SYNPO2: variants seen among roughly 807,000 people sequenced by gnomAD.
SYNPO2 encodes synaptopodin-2.
SYNPO2 carries 56 observed loss-of-function variants against 85.0 expected under a neutral mutation model. The ratio of observed to expected loss-of-function variants is 0.66; its 90% CI spans 0.53 to 0.82. The LOEUF (loss-of-function observed/expected upper bound fraction) is 0.82. SYNPO2 is among the 40% of genes least tolerant of loss of function. The pLI is 0.00. For synonymous variants in SYNPO2, 602 were observed against 591.1 expected (o/e 1.02, Z -0.27); for missense variants, 1,575 against 1,534.2 (o/e 1.03, Z -0.44).
At chr4:119,028,577 A>G (rs1046283635) in intron 3 of SYNPO2, among the ~76,000 whole-genome samples, 1 of 152,208 alleles carries the variant, frequency 6.6e-6, no homozygotes, top group Non-Finnish European at 1.5e-5. Flanking sequence ...AATAAGTTGT[A>G]TAACACTAGT....
intron 1 of SYNPO2, among the ~76,000 whole-genome samples, chr4:119,007,228 A>G (rs1178663577): frequency 1.2e-3 from 59 of 48,980 alleles, no homozygotes; most frequent in African/African-American, 5.5e-3. Flanking sequence ...ATATATATAT[A>G]TATATATATA....
chr4:118,961,857 TTTG>T (rs1735110089), intron 1 of SYNPO2, among the ~76,000 whole-genome samples: 1 of 152,208 alleles, frequency 6.6e-6, no homozygotes, highest in African/African-American at 2.4e-5. Flanking sequence ...AGGCAGGTTT[TTTG>T]TTTTTTATTT....
At chr4:118,900,685 CTCTCTCTCTCTCTCTCTCTATATA>C (rs1394640051) in intron 1 of SYNPO2, among the ~76,000 whole-genome samples, 14 of 43,764 alleles carry the variant, frequency 3.2e-4, no homozygotes, top group African/African-American at 6.5e-4. Context: ...CTCTCTCTCT[CTCTCTCTCTCTCTCTCTCTATATA>C]TATATATATA....
chr4:119,056,358 C>T (rs948556415), intron 4 of SYNPO2, among the ~76,000 whole-genome samples: 1 of 152,110 alleles, frequency 6.6e-6, no homozygotes, highest in Non-Finnish European at 1.5e-5. Flanking sequence ...TCTAATACCA[C>T]CAGCCTGGGC....
At chr4:118,879,038 T>A (rs1309386640) in intron 1 of SYNPO2, among the ~76,000 whole-genome samples, 1 of 152,118 alleles carries the variant, frequency 6.6e-6, no homozygotes, top group African/African-American at 2.4e-5. Context: ...AATGAACAAC[T>A]CCGGAGGCAC....
At chr4:118,994,058 G>A (rs191743412) in intron 1 of SYNPO2, among the ~76,000 whole-genome samples, 2 of 152,294 alleles carry the variant, frequency 1.3e-5, no homozygotes, top group Admixed American at 6.5e-5. Context: ...GGGCCTCTGG[G>A]TCAGTCACTA....
chr4:118,887,688 G>C (rs1732230399), upstream of SYNPO2, among the ~76,000 whole-genome samples: 1 of 152,196 alleles, frequency 6.6e-6, no homozygotes, highest in South Asian at 2.1e-4. Flanking sequence ...TTTGTGACCA[G>C]AAATAGACTG....
chr4:118,986,592 A>G (rs1388184777), intron 1 of SYNPO2, among the ~76,000 whole-genome samples: 1 of 152,204 alleles, frequency 6.6e-6, no homozygotes, highest in East Asian at 1.9e-4. Flanking sequence ...AGAGATGATA[A>G]TAGGCACATG....
chr4:118,966,675 G>C (rs1242198622), intron 1 of SYNPO2, among the ~76,000 whole-genome samples: 1 of 151,958 alleles, frequency 6.6e-6, no homozygotes, highest in Non-Finnish European at 1.5e-5. Flanking sequence ...CATACTTCTG[G>C]GATGATATAA....
At chr4:118,852,921 A>G (rs554408334) in intron 1 of SYNPO2, among the ~76,000 whole-genome samples, 2 of 152,360 alleles carry the variant, frequency 1.3e-5, no homozygotes, top group East Asian at 3.9e-4. Flanking sequence ...CCAAATGTTG[A>G]CATGTTTCAT....
At chr4:118,945,734 A>G (rs1477482065) in intron 1 of SYNPO2, among the ~76,000 whole-genome samples, 1 of 151,580 alleles carries the variant, frequency 6.6e-6, no homozygotes, top group African/African-American at 2.4e-5. Context: ...ACTTGACTAA[A>G]TAACACTTTT....
chr4:119,038,335 C>T, intron 4 of SYNPO2: 1 of 984,326 alleles, frequency 1.0e-6, no homozygotes, highest in African/African-American at 1.8e-5. Context: ...AAAGTGAAAA[C>T]CCATCTCTGA....
intron 1 of SYNPO2, among the ~76,000 whole-genome samples, chr4:118,959,038 A>T (rs1273204234): frequency 1.3e-5 from 2 of 152,166 alleles, no homozygotes; most frequent in African/African-American, 2.4e-5. Context: ...GGATTTTAGG[A>T]TCTGTTTATT....
rs141971775 is a variant in SYNPO2 at position 119,032,832 on chromosome 4, C to T, written c.3252+805C>T. The stretch of plus-strand genomic sequence containing the variant: ...GCCGGGAGTTGGAGACCAGCCTGAG[C>T]AACATAGTGAGACCCTGTCTCAATA... On this transcript the variant is annotated intron_variant, in intron 4 of 4. Coordinates refer to ENST00000307142, the MANE Select transcript of SYNPO2 (RefSeq NM_133477.3). 4.6e-4 allele frequency: 402 copies of T among 878,764 alleles called. 1 individual carries two copies. In the African/African-American group the frequency reaches 7.0e-3, roughly 15 times the overall value. 54.4% of individuals were successfully genotyped at this position (878,764 alleles called of 1,614,324 possible).
At chr4:118,857,519 A>G (rs944911480) in intron 1 of SYNPO2, among the ~76,000 whole-genome samples, 2 of 152,234 alleles carry the variant, frequency 1.3e-5, no homozygotes, top group African/African-American at 4.8e-5. Context: ...AAAAATTTCT[A>G]TACTTGCCAG....
intron 1 of SYNPO2, among the ~76,000 whole-genome samples, chr4:118,960,716 C>T (rs917701393): frequency 6.6e-6 from 1 of 151,036 alleles, no homozygotes; most frequent in Non-Finnish European, 1.5e-5. Context: ...TCACAAATCT[C>T]CTTGCAAGTC....
In SYNPO2 at chr4:119,027,082, T is replaced by C. The variant is rs1239211804; in HGVS notation, c.713T>C (p.Ile238Thr). Reference protein sequence around the residue: ...DPDPNLSHDRIVHINSIPTNE... With the variant: ...DPDPNLSHDRTVHINSIPTNE... Reference sequence around the variant, plus strand: ...GACCCTAACTTGTCACATGACAGGATTGTCCACATAAATTCGATCCCTACT... The same window carrying C: ...GACCCTAACTTGTCACATGACAGGACTGTCCACATAAATTCGATCCCTACT... Residue 238 changes from isoleucine to threonine, a missense_variant, in exon 3 of 5, where the codon ATT (isoleucine) becomes ACT (threonine). By Grantham distance (89) the Ile-to-Thr change is moderately conservative. Coordinates refer to ENST00000307142, the MANE Select transcript of SYNPO2 (RefSeq NM_133477.3). The C allele has an allele frequency of 2.5e-6, 4 of 1,614,146 alleles. No individual in the cohort carries two copies. Among genetic ancestry groups the C allele is most frequent in the African/African-American group, 1.3e-5 (1 of 75,024 alleles).
intron 4 of SYNPO2, chr4:119,033,097 C>G (rs1445612997): frequency 1.0e-6 from 1 of 985,238 alleles, no homozygotes; most frequent in African/African-American, 1.7e-5. Flanking sequence ...GCTATTGTTT[C>G]ACCTGGAGAA....
chr4:118,995,377 T>A (rs993535790), intron 1 of SYNPO2, among the ~76,000 whole-genome samples: 1 of 152,222 alleles, frequency 6.6e-6, no homozygotes, highest in Admixed American at 6.5e-5. Context: ...AACTATTATT[T>A]ACTATTTATT....
Sources: gnomAD v4.1 joint callset for allele counts (sites outside exome capture counted in the v4.1 genomes callset) on GRCh38, gnomAD v4.1.1 for gene constraint, MANE v1.5 for transcripts, NCBI Gene and HGNC (gene_info 2026-07-23, HGNC 2026-07-21) for gene names.